Variants in ELFN2 observed in about 807,000 individuals in gnomAD.
The protein encoded by ELFN2 is protein phosphatase 1 regulatory subunit 29.
Under a neutral mutation model 45.5 loss-of-function variants are expected in ELFN2, and 17 were observed. The observed-to-expected ratio is 0.37, with a 90% CI of 0.26 to 0.56. The LOEUF (loss-of-function observed/expected upper bound fraction) is 0.56, where lower values mean the gene tolerates loss of function less well. Ranked by LOEUF, ELFN2 falls within the 20% of genes least tolerant of loss-of-function variation. The probability of loss-of-function intolerance (pLI) is 0.77; values close to 1 mark genes in which losing one functional copy is unlikely to be tolerated. For missense variants in ELFN2, 922 were observed against 1,183.2 expected (o/e 0.78, Z 3.24); for synonymous variants, 550 against 551.5 (o/e 1.00, Z 0.04).
chr22:37,381,542 C>T (rs529213543), intron 2 of ELFN2, among the ~76,000 whole-genome samples: 60 of 151,822 alleles, frequency 4.0e-4, no homozygotes, highest in African/African-American at 8.7e-4. Flanking sequence ...CTGCCCCTGA[C>T]CCCCACCTTC....
intron 2 of ELFN2, among the ~76,000 whole-genome samples, chr22:37,408,386 T>A (rs1932562195): frequency 6.6e-6 from 1 of 152,206 alleles, no homozygotes; most frequent in Admixed American, 6.5e-5. Flanking sequence ...CATGGGGCCT[T>A]GGCAGCGGCC....
At position 37,427,478 on chromosome 22, in the gene ELFN2, A is replaced by ACGCCGCCGCCCCCTCCTCCC. The variant is rs1292884557; in HGVS notation, c.-795_-794insGGGAGGAGGGGGCGGCGGCG. On this transcript the variant is annotated 5_prime_UTR_variant, in exon 1 of 3. Transcript: ENST00000402918. The stretch of plus-strand genomic sequence containing the variant: ...TCTGGGAGCGCGCGTGTGCGCGCAG[A>ACGCCGCCGCCCCCTCCTCCC]CGCCGCCGCCCCCTCCTCCCCGCCG... 1 of 152,080 alleles carries ACGCCGCCGCCCCCTCCTCCC rather than the reference A, an allele frequency of 6.6e-6. No individual in the cohort carries two copies. Among genetic ancestry groups the ACGCCGCCGCCCCCTCCTCCC allele is most frequent in the Non-Finnish European group, 1.5e-5 (1 of 68,036 alleles). The allele number at this position is 152,080 out of a possible 1,614,324, so 9.4% of individuals were successfully genotyped here. A position where few individuals can be genotyped will look rare whatever the true frequency, so the allele number is the denominator to read the frequency against.
At position 37,417,063 on chromosome 22, in the gene ELFN2, G is replaced by T. The variant is rs909273569; in HGVS notation, c.-463+706C>A. Reference sequence around the variant, plus strand: ...ACGGCAACCACCGTCACTCAGCGCCGCCTGGACAACAGCTCCCTCCACGTG... The same window carrying T: ...ACGGCAACCACCGTCACTCAGCGCCTCCTGGACAACAGCTCCCTCCACGTG... On this transcript the variant is annotated intron_variant, in intron 2 of 2. Transcript: ENST00000402918. The surrounding 1 kb of genome is among the most constrained non-coding windows in gnomAD (Gnocchi z 4.5). Among the ~76,000 whole-genome samples, 4 of 151,488 alleles carry T rather than the reference G, an allele frequency of 2.6e-5. No homozygotes were observed. The highest frequency in any genetic ancestry group is 4.4e-5 in the Non-Finnish European group (3 of 67,844).
intron 2 of ELFN2, among the ~76,000 whole-genome samples, chr22:37,410,518 T>C (rs1932621394): frequency 6.6e-6 from 1 of 152,096 alleles, no homozygotes; most frequent in Non-Finnish European, 1.5e-5. Context: ...TCTCCCCAGA[T>C]GGTGCTGAGG....
At position 37,373,962 on chromosome 22, in the gene ELFN2, C is replaced by T; in HGVS notation, c.1573G>A (p.Glu525Lys). ...TCTGCAGCCGAGCCCTGGCCGTTCT[C>T]GAGGTCCGGGAGGTCATCCTCGGGC... ...ARPEDDLPDLENGQGSAAEIS... is the reference protein window; with the variant it reads ...ARPEDDLPDLKNGQGSAAEIS... The change falls in exon 3 of 3, where the codon GAG becomes AAG. Residue 525 changes from glutamate to lysine, a missense_variant. Glu to Lys is a moderately conservative substitution (Grantham distance 56). This residue lies in a region of ELFN2 where 564 missense variants were observed against 642.8 expected (regional missense o/e 0.88). Coordinates refer to ENST00000402918, the MANE Select transcript of ELFN2 (RefSeq NM_052906.5). 1 of 1,612,632 alleles carries T rather than the reference C, an allele frequency of 6.2e-7. No individual in the cohort carries two copies. Among genetic ancestry groups the T allele is most frequent in the Non-Finnish European group, 8.5e-7 (1 of 1,179,822 alleles).
chr22:37,382,478 T>C (rs1931813380), intron 2 of ELFN2, among the ~76,000 whole-genome samples: 1 of 150,670 alleles, frequency 6.6e-6, no homozygotes, highest in Admixed American at 6.6e-5. Flanking sequence ...CTCTTGACCT[T>C]GTGATCCGCC....
intron 2 of ELFN2, among the ~76,000 whole-genome samples, chr22:37,403,862 C>A (rs2145674299): frequency 6.6e-6 from 1 of 152,338 alleles, no homozygotes; most frequent in East Asian, 1.9e-4. Context: ...GGTTTGGCTG[C>A]CAGCTTAGCC....
chr22:37,356,451 G>T (rs1410721258), intron 1 of ELFN2, among the ~76,000 whole-genome samples: 3 of 151,522 alleles, frequency 2.0e-5, no homozygotes, highest in African/African-American at 7.3e-5. Flanking sequence ...GGGTCCTAGA[G>T]GTGGAATTTC....
At chr22:37,367,958 C>T (rs1397938614), downstream of ELFN2, 2 of 152,642 alleles carry the variant, frequency 1.3e-5, no homozygotes, top group African/African-American at 2.4e-5. Flanking sequence ...ACCATGGCCC[C>T]GTAGCTTTAA....
chr22:37,375,288 C>T lies in ELFN2; in HGVS notation c.247G>A (p.Asp83Asn), dbSNP rs1931544025. 2 of 1,614,020 alleles carry T rather than the reference C, an allele frequency of 1.2e-6. No homozygotes were observed. The highest frequency in any genetic ancestry group is 1.7e-6 in the Non-Finnish European group (2 of 1,180,008). Reference sequence around the variant, plus strand: ...ATCTCGTTCTTGGTGAGGTTGAGGTCGGTGAGGTTCCCAAAGCGGTTGAGC... The same window carrying T: ...ATCTCGTTCTTGGTGAGGTTGAGGTTGGTGAGGTTCCCAAAGCGGTTGAGC... The part of the protein sequence containing the change: ...SSLNRFGNLT[D>N]LNLTKNEISY... Residue 83 changes from aspartate to asparagine, a missense_variant, in exon 3 of 3, where the codon GAC becomes AAC. Asp to Asn is a conservative substitution (Grantham distance 23, BLOSUM62 1). Around this residue, in one of 2 missense-constraint regions of ELFN2, gnomAD observed 358 missense variants for 540.4 expected, o/e 0.66. Coordinates refer to ENST00000402918, the MANE Select transcript of ELFN2 (RefSeq NM_052906.5).
chr22:37,373,670 G>C lies in ELFN2; in HGVS notation c.1865C>G (p.Ala622Gly). 1 of 1,572,498 alleles carries C rather than the reference G, an allele frequency of 6.4e-7. No homozygotes were observed. Among genetic ancestry groups the C allele is most frequent in the Non-Finnish European group, 8.6e-7 (1 of 1,161,630 alleles). ...HPLQRQLSAD[A>G]AVTRKTCSVS... The stretch of plus-strand genomic sequence containing the variant: ...GCTGCAGGTCTTGCGGGTCACGGCC[G>C]CGTCGGCGCTCAGCTGGCGCTGTAG... The change falls in exon 3 of 3, where the codon GCG becomes GGG. Residue 622 changes from alanine (A) to glycine (G), a missense_variant. Ala to Gly is a moderately conservative substitution (Grantham distance 60). Around this residue, in one of 2 missense-constraint regions of ELFN2, gnomAD observed 564 missense variants for 642.8 expected, o/e 0.88. Transcript: ENST00000402918.
intron 1 of ELFN2, among the ~76,000 whole-genome samples, chr22:37,344,389 GC>G (rs1332107865): frequency 6.6e-6 from 1 of 151,802 alleles, no homozygotes; most frequent in East Asian, 1.9e-4. Context: ...ACACCCAGGA[GC>G]CCTGACCCCA....
In ELFN2 at chr22:37,424,361, A is replaced by G. The variant is rs1488446099; in HGVS notation, c.-614+2937T>C. On this transcript the variant is annotated intron_variant, in intron 1 of 2. Coordinates refer to ENST00000402918, the MANE Select transcript of ELFN2 (RefSeq NM_052906.5). ...CTGCTGCCAAAAACAAGCATCCTAC[A>G]AGACCTCAGGGGATATTGAGGAACA... Among the ~76,000 whole-genome samples the G allele has an allele frequency of 3.3e-5, 5 of 152,172 alleles. No homozygotes were observed. In the South Asian group the frequency reaches 6.2e-4, roughly 19 times the overall value.
chr22:37,400,116 A>G (rs73884037), intron 2 of ELFN2, among the ~76,000 whole-genome samples: 3,177 of 152,198 alleles, frequency 0.021, 110 homozygotes, highest in African/African-American at 0.07. Context: ...GGGGCAAGGG[A>G]GTGCAAGGGA....
chr22:37,365,731 T>G (rs1328272931), downstream of ELFN2, among the ~76,000 whole-genome samples: 1 of 152,124 alleles, frequency 6.6e-6, no homozygotes, highest in Non-Finnish European at 1.5e-5. Context: ...AAATATCCAG[T>G]TCCTGGGGCC....
chr22:37,344,941 G>C (rs552982562), intron 1 of ELFN2, among the ~76,000 whole-genome samples: 5 of 152,100 alleles, frequency 3.3e-5, no homozygotes, highest in Non-Finnish European at 5.9e-5. Flanking sequence ...CTGCCAGGGG[G>C]CCCTCCCCGT....
downstream of ELFN2, among the ~76,000 whole-genome samples, chr22:37,365,934 G>A (rs1931195761): frequency 6.6e-6 from 1 of 152,148 alleles, no homozygotes; most frequent in African/African-American, 2.4e-5. Flanking sequence ...AGGTATTTGC[G>A]AATGTCCTTG....
In ELFN2 at chr22:37,393,267, G is replaced by A. The variant is rs73412234; in HGVS notation, c.-462-17271C>T. On this transcript the variant is annotated intron_variant, in intron 2 of 2. Transcript: ENST00000402918. ...TCTGCGTGTCTTTTCTTGGACTCAC[G>A]TAATCCCTCCCCAGAATGGAAGCCG... 9.8e-3 allele frequency among the ~76,000 whole-genome samples: 1,497 copies of A among 152,284 alleles called. 30 individuals carry two copies. The highest frequency in any genetic ancestry group is 0.034 in the African/African-American group (1,427 of 41,554).
At chr22:37,342,324 C>T (rs1360123142) in intron 2 of ELFN2, among the ~76,000 whole-genome samples, 2 of 152,228 alleles carry the variant, frequency 1.3e-5, no homozygotes, top group Admixed American at 1.3e-4. Flanking sequence ...CTGCCCCTTT[C>T]TCCCATTATT....
Sources: gnomAD v4.1 joint callset for allele counts (sites outside exome capture counted in the v4.1 genomes callset) on GRCh38, gnomAD v4.1.1 for gene constraint, gnomAD v4.1.1 regional missense constraint, Gnocchi (gnomAD v3.1) non-coding constraint, MANE v1.5 for transcripts, NCBI Gene and HGNC (gene_info 2026-07-23, HGNC 2026-07-21) for gene names.